ERICH3: variants seen among roughly 807,000 people sequenced by gnomAD.
The protein encoded by ERICH3 is glutamate rich 3.
Under a neutral mutation model 131.1 loss-of-function variants are expected in ERICH3, and 126 were observed. The observed-to-expected ratio is 0.96, with a 90% CI of 0.83 to 1.11. The LOEUF (loss-of-function observed/expected upper bound fraction) is 1.11, where lower values mean the gene tolerates loss of function less well. Ranked by LOEUF, ERICH3 falls within the 50% of genes most tolerant of loss-of-function variation. The pLI, the probability that ERICH3 is intolerant of heterozygous loss-of-function variation, is 0.00. For synonymous variants in ERICH3, 695 were observed against 644.6 expected (o/e 1.08, Z -1.18); for missense variants, 2,050 against 1,810.7 (o/e 1.13, Z -2.40).
chr1:74,613,331 T>A (rs188034208), intron 8 of ERICH3, among the ~76,000 whole-genome samples: 10 of 152,288 alleles, frequency 6.6e-5, no homozygotes, highest in Non-Finnish European at 1.5e-5. Context: ...TCATGTGAAG[T>A]GGGAATTTTT....
chr1:74,572,834 A>G lies in ERICH3; in HGVS notation c.2876T>C (p.Met959Thr), dbSNP rs777512110. 3.7e-6 allele frequency: 6 copies of G among 1,613,454 alleles called. No homozygotes were observed. In the Admixed American group the frequency reaches 8.3e-5, roughly 22 times the overall value. ...ASIDLEDTGP[M>T]EDTASKREDG... ...CTCTCTCTTTGATGCTGTGTCCTCCATGGGTCCTGTGTCCTCTAGGTCTAT... is the reference window on the plus strand; with the variant it reads ...CTCTCTCTTTGATGCTGTGTCCTCCGTGGGTCCTGTGTCCTCTAGGTCTAT... Residue 959 changes from methionine to threonine, a missense_variant, in exon 14 of 15, where the codon ATG (methionine) becomes ACG (threonine). By Grantham distance (81) the Met-to-Thr change is moderately conservative. Coordinates refer to ENST00000326665, the MANE Select transcript of ERICH3 (RefSeq NM_001002912.5).
intron 9 of ERICH3, among the ~76,000 whole-genome samples, chr1:74,609,903 G>A (rs530616411): frequency 1.5e-4 from 23 of 152,164 alleles, no homozygotes; most frequent in Admixed American, 5.2e-4. Context: ...ATTGTACAGA[G>A]GCTAGTGGGT....
At position 74,589,710 on chromosome 1, in the gene ERICH3, C is replaced by CT. The variant is rs777732334; in HGVS notation, c.2096dup (p.Asp700GlyfsTer2). 6.6e-5 allele frequency: 106 copies of CT among 1,614,100 alleles called. No individual in the cohort carries two copies. The highest frequency in any genetic ancestry group is 8.9e-5 in the Non-Finnish European group (105 of 1,179,984). Reference sequence around the variant, plus strand: ...TTTCTTCCCAAAGCTTACTCTTATCCTTTTCCTTTTCTTCTGCAGAAACAT... The same window carrying CT: ...TTTCTTCCCAAAGCTTACTCTTATCCTTTTTCCTTTTCTTCTGCAGAAACAT... On this transcript the variant is annotated frameshift_variant, in exon 12 of 15. Transcript: ENST00000326665. LOFTEE classifies it high-confidence loss of function.
intron 3 of ERICH3, 47 bp from the exon 4 acceptor site, chr1:74,643,145 C>A (rs372534077): frequency 3.1e-5 from 45 of 1,437,616 alleles, no homozygotes; most frequent in Non-Finnish European, 3.9e-5. Context: ...TCAGTTATAG[C>A]AAAGACCAGT....
chr1:74,636,397 A>T lies in ERICH3; in HGVS notation c.486T>A (p.Pro162=), dbSNP rs764989973. 1.2e-6 allele frequency: 2 copies of T among 1,612,916 alleles called. No homozygotes were observed. The part of the protein sequence containing the change: ...RPYTAPGNMQ[P]PIRLQPLPSN... ...TGGGAAGAGGCTGTAATCGAATTGG[A>T]GGCTGCATATTTCCTGGAGCAGTAT... Residue 162 remains proline, a synonymous_variant, in exon 6 of 15, where the codon CCT becomes CCA. Coordinates refer to ENST00000326665, the MANE Select transcript of ERICH3 (RefSeq NM_001002912.5).
At chr1:74,642,002 C>T (rs1434121071) in intron 4 of ERICH3, among the ~76,000 whole-genome samples, 1 of 152,128 alleles carries the variant, frequency 6.6e-6, no homozygotes, top group Non-Finnish European at 1.5e-5. Context: ...TAACACACAG[C>T]AACTTTTCCT....
intron 6 of ERICH3, among the ~76,000 whole-genome samples, chr1:74,635,383 ATAT>A (rs1438905284): frequency 1.3e-5 from 2 of 152,212 alleles, no homozygotes; most frequent in Non-Finnish European, 2.9e-5. Flanking sequence ...GCAGATTAAT[ATAT>A]TATTATTTTT....
intron 11 of ERICH3, chr1:74,591,916 C>A (rs543325871): frequency 1.1e-3 from 169 of 151,800 alleles, no homozygotes; most frequent in African/African-American, 3.8e-3. Flanking sequence ...TTCTTTATTT[C>A]TTTCAGTTCC....
At chr1:74,650,418 T>C (rs1001231021) in intron 1 of ERICH3, among the ~76,000 whole-genome samples, 4 of 152,186 alleles carry the variant, frequency 2.6e-5, no homozygotes, top group African/African-American at 9.6e-5. Context: ...CACATATGTA[T>C]GTATACATGG....
intron 13 of ERICH3, among the ~76,000 whole-genome samples, chr1:74,575,037 GT>G (rs5775246): frequency 0.42 from 63,473 of 150,856 alleles, 14,060 homozygotes; most frequent in Non-Finnish European, 0.5. Context: ...CTCCTCATTT[GT>G]TTTTTACTTG....
chr1:74,643,618 A>G lies in ERICH3; in HGVS notation c.244-520T>C, dbSNP rs144069957. On this transcript the variant is annotated intron_variant, in intron 3 of 14. Coordinates refer to ENST00000326665, the MANE Select transcript of ERICH3 (RefSeq NM_001002912.5). ...CAGAATTTCACAGAAATACAATTTA[A>G]TTTATCAAGCTCATATTGTGTATCT... Among the ~76,000 whole-genome samples the G allele has an allele frequency of 3.3e-3, 496 of 152,286 alleles. 1 individual carries two copies. The highest frequency in any genetic ancestry group is 5.9e-3 in the Non-Finnish European group (401 of 68,014).
Position 74,620,677 on chromosome 1 carries a change from A to C in ERICH3, c.1000+57T>G, listed in dbSNP as rs539685041. ...GTCATTTTGATATTATATCAACAGC[A>C]GCTTATCTATAACATCAACTCCAAG... is the stretch of plus-strand genomic sequence containing the variant. On this transcript the variant is annotated intron_variant, in intron 8 of 14. Coordinates refer to ENST00000326665, the MANE Select transcript of ERICH3 (RefSeq NM_001002912.5). 2.2e-6 allele frequency: 3 copies of C among 1,373,760 alleles called. No individual in the cohort carries two copies. The East Asian group carries it at 7.3e-5, about 34-fold the overall frequency. The allele number at this position is 1,373,760 out of a possible 1,614,324, so 85.1% of individuals were successfully genotyped here.
chr1:74,583,727 A>C (rs1570818648), intron 12 of ERICH3, among the ~76,000 whole-genome samples: 1 of 152,202 alleles, frequency 6.6e-6, no homozygotes, highest in Non-Finnish European at 1.5e-5. Flanking sequence ...ATTCTATTTC[A>C]TGCTTACTTG....
intron 1 of ERICH3, among the ~76,000 whole-genome samples, chr1:74,669,097 C>G (rs2100661758): frequency 6.6e-6 from 1 of 152,190 alleles, no homozygotes; most frequent in African/African-American, 2.4e-5. Context: ...ACAGCTTGAC[C>G]TAACGGTAGT....
chr1:74,643,670 A>G (rs1056693009), intron 3 of ERICH3, among the ~76,000 whole-genome samples: 8 of 152,178 alleles, frequency 5.3e-5, no homozygotes, highest in African/African-American at 1.9e-4. Flanking sequence ...GGTGCTTCAC[A>G]TACATTATTT....
Position 74,580,373 on chromosome 1 carries a change from T to A in ERICH3, c.2177-3437A>T, listed in dbSNP as rs1647156039. On this transcript the variant is annotated intron_variant, in intron 12 of 14. Coordinates refer to ENST00000326665, the MANE Select transcript of ERICH3 (RefSeq NM_001002912.5). ...AAATATTGAGCTATTTCAATTGTGA[T>A]TATAAAGCTATTTTAAACACTACTT... Among the ~76,000 whole-genome samples the A allele has an allele frequency of 3.3e-5, 5 of 152,198 alleles. No individual in the cohort carries two copies. The South Asian group carries it at 1.0e-3, about 31-fold the overall frequency.
upstream of ERICH3, among the ~76,000 whole-genome samples, chr1:74,674,028 G>A (rs1013391921): frequency 6.6e-6 from 1 of 152,200 alleles, no homozygotes; most frequent in African/African-American, 2.4e-5. Flanking sequence ...AGCGGCTGAG[G>A]GTAATAAGAG....
intron 11 of ERICH3, among the ~76,000 whole-genome samples, chr1:74,598,539 C>A (rs1180193755): frequency 6.6e-6 from 1 of 151,706 alleles, no homozygotes; most frequent in Non-Finnish European, 1.5e-5. Flanking sequence ...AGCATGACAG[C>A]ATGTGATAAA....
chr1:74,628,054 G>C (rs549744312), intron 7 of ERICH3, among the ~76,000 whole-genome samples: 198 of 152,264 alleles, frequency 1.3e-3, no homozygotes, highest in African/African-American at 4.5e-3. Flanking sequence ...ATACTGTACT[G>C]CTGTAATAAT....
Sources: gnomAD v4.1 joint callset for allele counts (sites outside exome capture counted in the v4.1 genomes callset) on GRCh38, gnomAD v4.1.1 for gene constraint, MANE v1.5 for transcripts, NCBI Gene and HGNC (gene_info 2026-07-23, HGNC 2026-07-21) for gene names.